Variants in SPEG observed in about 807,000 individuals in gnomAD.
SPEG encodes the protein striated muscle enriched protein kinase, also known as striated muscle preferentially expressed protein kinase.
A neutral mutation model predicts 300.4 loss-of-function variants in SPEG; 114 were observed. The ratio of observed to expected loss-of-function variants is 0.38; its 90% CI spans 0.33 to 0.44. The LOEUF (loss-of-function observed/expected upper bound fraction) is 0.44. Ranked by LOEUF, SPEG falls within the 20% of genes least tolerant of loss-of-function variation. SPEG has a pLI of 1.00. For synonymous variants in SPEG, 1,964 were observed against 2,018.9 expected (o/e 0.97, Z 0.73); for missense variants, 4,201 against 4,586.2 (o/e 0.92, Z 2.43).
Position 219,477,864 on chromosome 2 carries a change from C to T in SPEG, c.4827-41C>T. On this transcript the variant is annotated intron_variant, in intron 21 of 40. Coordinates refer to ENST00000312358, the MANE Select transcript of SPEG (RefSeq NM_005876.5). The surrounding 1 kb of genome is among the most constrained non-coding windows in gnomAD (Gnocchi z 6.4). Reference sequence around the variant, plus strand: ...GGGTTGGGAGGGGTGGAGAGGGCCACAGTGATGGCTGATCTCTGACCCCCT... The same window carrying T: ...GGGTTGGGAGGGGTGGAGAGGGCCATAGTGATGGCTGATCTCTGACCCCCT... 6.2e-7 allele frequency: 1 copy of T among 1,605,802 alleles called. No individual in the cohort carries two copies.
intron 32 of SPEG, 36 bp downstream of exon 32, chr2:219,488,346 AG>A: frequency 6.4e-7 from 1 of 1,557,866 alleles, no homozygotes; most frequent in South Asian, 1.1e-5. Flanking sequence ...GAGGGAGGCC[AG>A]CAAGTGGCCC....
At position 219,476,880 on chromosome 2, in the gene SPEG, G is replaced by A. The variant is rs750073248; in HGVS notation, c.4458G>A (p.Arg1486=). 2 of 1,613,702 alleles carry A rather than the reference G, an allele frequency of 1.2e-6. No homozygotes were observed. Among genetic ancestry groups the A allele is most frequent in the South Asian group, 2.2e-5 (2 of 91,064 alleles). ...CCCCATGTGTTTCAGAGGCCCCTCG[G>A]TTTGAGTCCATCATGGAGGACGTGG... ...SVTLELAEAP[R]FESIMEDVEV... Residue 1486 remains arginine, a synonymous_variant, in exon 19 of 41, where the codon CGG becomes CGA. Coordinates refer to ENST00000312358, the MANE Select transcript of SPEG (RefSeq NM_005876.5).
At chr2:219,442,990 A>T (rs1689037977) in intron 1 of SPEG, 1 of 798,828 alleles carries the variant, frequency 1.3e-6, no homozygotes, top group Non-Finnish European at 2.1e-6. Context: ...CTCCCCTCTC[A>T]CACACACACT....
chr2:219,472,852 C>T (rs759313858), intron 15 of SPEG, 38 bp from the exon 16 acceptor site: 1 of 1,529,444 alleles, frequency 6.5e-7, no homozygotes. Flanking sequence ...GGTTACTGCT[C>T]CTGCAACAGC....
At position 219,468,437 on chromosome 2, in the gene SPEG, T is replaced by G. The variant is rs1005589318; in HGVS notation, c.3143-141T>G. 3.1e-5 allele frequency: 29 copies of G among 926,704 alleles called. No homozygotes were observed. The African/African-American group carries it at 4.0e-4, about 13-fold the overall frequency. 57.4% of individuals were successfully genotyped at this position (926,704 alleles called of 1,614,324 possible). On this transcript the variant is annotated intron_variant, in intron 10 of 40. Transcript: ENST00000312358. ...GTCTAGTCTCTGGATCTGTGCCCAC[T>G]TCCTCCCCTGAGTACCCAGAGCCTT...
chr2:219,451,342 G>A lies in SPEG; in HGVS notation c.2257+63G>A. On this transcript the variant is annotated intron_variant, in intron 5 of 40. Coordinates refer to ENST00000312358, the MANE Select transcript of SPEG (RefSeq NM_005876.5). This position sits in a 1 kb window ranked among gnomAD's most constrained non-coding sequence, Gnocchi z 6.4. ...GGGAGGGGGTGTGTGAGAAGGGAAG[G>A]GGAGGTTCCCCCGGACTCCTCCAAG... 6.5e-7 allele frequency: 1 copy of A among 1,535,608 alleles called. No individual in the cohort carries two copies. The highest frequency in any genetic ancestry group is 8.7e-7 in the Non-Finnish European group (1 of 1,143,626).
chr2:219,457,207 C>A (rs1487755146), intron 6 of SPEG, among the ~76,000 whole-genome samples: 1 of 152,166 alleles, frequency 6.6e-6, no homozygotes. Flanking sequence ...TGTGGAGGGC[C>A]AGCTGGGAAG....
At position 219,445,199 on chromosome 2, in the gene SPEG, C is replaced by T; in HGVS notation, c.815+38C>T. The T allele has an allele frequency of 6.6e-7, 1 of 1,525,632 alleles. No individual in the cohort carries two copies. Among genetic ancestry groups the T allele is most frequent in the Non-Finnish European group, 8.9e-7 (1 of 1,124,322 alleles). 94.5% of individuals were successfully genotyped at this position (1,525,632 alleles called of 1,614,324 possible). On this transcript the variant is annotated intron_variant, in intron 3 of 40. Coordinates refer to ENST00000312358, the MANE Select transcript of SPEG (RefSeq NM_005876.5). This position sits in a 1 kb window ranked among gnomAD's most constrained non-coding sequence, Gnocchi z 6.1. ...CTTACCTGGGCCTGAACTGCCCCAT[C>T]TCACCACGCTGTCCTGCGCTGCCCT...
At position 219,484,739 on chromosome 2, in the gene SPEG, C is replaced by A; in HGVS notation, c.7276C>A (p.His2426Asn). The change falls in exon 30 of 41, where the codon CAC (histidine) becomes AAC (asparagine). Residue 2426 changes from histidine to asparagine, a missense_variant. His to Asn is a moderately conservative substitution (Grantham distance 68). This residue lies in a region of SPEG where 1,578 missense variants were observed against 1,506.0 expected (regional missense o/e 1.05). Transcript: ENST00000312358. ...RLRRTPPAQR[H>N]PAWEARGGDG... is the part of the protein sequence containing the mutation. ...GCGGCGGACCCCTCCCGCGCAGCGC[C>A]ACCCGGCCTGGGAGGCCCGCGGCGG... 1 of 1,481,754 alleles carries A rather than the reference C, an allele frequency of 6.7e-7. No individual in the cohort carries two copies. 91.8% of individuals were successfully genotyped at this position (1,481,754 alleles called of 1,614,324 possible). A position where few individuals can be genotyped will look rare whatever the true frequency, so the allele number is the denominator to read the frequency against.
Position 219,459,699 on chromosome 2 carries a change from G to A in SPEG, c.2441-2183G>A, listed in dbSNP as rs555195545. On this transcript the variant is annotated intron_variant, in intron 6 of 40. Coordinates refer to ENST00000312358, the MANE Select transcript of SPEG (RefSeq NM_005876.5). The surrounding 1 kb of genome is among the most constrained non-coding windows in gnomAD (Gnocchi z 4.9). ...ACTGTCCAGCCTGGAGGTGACCCTG[G>A]GGCAGGACTCCAGGCTCCATAGAGG... Among the ~76,000 whole-genome samples, 1 of 152,258 alleles carries A rather than the reference G, an allele frequency of 6.6e-6. No individual in the cohort carries two copies. The highest frequency in any genetic ancestry group is 2.1e-4 in the South Asian group (1 of 4,824).
At chr2:219,466,672 G>A (rs1691390817) in intron 9 of SPEG, 1 of 1,001,012 alleles carries the variant, frequency 1.0e-6, no homozygotes, top group African/African-American at 1.7e-5. Context: ...GCCTGGCTGA[G>A]CCCTGGCCCT....
chr2:219,445,024 G>C lies in SPEG; in HGVS notation c.678G>C (p.Gly226=). 1 of 1,609,782 alleles carries C rather than the reference G, an allele frequency of 6.2e-7. No homozygotes were observed. Among genetic ancestry groups the C allele is most frequent in the Non-Finnish European group, 8.5e-7 (1 of 1,178,292 alleles). The part of the protein sequence containing the change: ...QATGAGPRHL[G]VEPLVRASRA... Reference sequence around the variant, plus strand: ...CCGGGGCCGGGCCACGGCACCTGGGGGTGGAGCCGCTGGTGCGGGCATCTC... The same window carrying C: ...CCGGGGCCGGGCCACGGCACCTGGGCGTGGAGCCGCTGGTGCGGGCATCTC... The change falls in exon 3 of 41, where the codon GGG becomes GGC. Residue 226 remains glycine, a synonymous_variant. Transcript: ENST00000312358. This position sits in a 1 kb window ranked among gnomAD's most constrained non-coding sequence, Gnocchi z 6.1.
rs780757504 is a variant in SPEG, at chr2:219,469,303, C to A, written c.3639C>A (p.Gly1213=). Reference sequence around the variant, plus strand: ...CCATGCTAGAGTGCCAGGTGACCGGCCTGCCCTACCCCACCATCAGCTGGT... The same window carrying A: ...CCATGCTAGAGTGCCAGGTGACCGGACTGCCCTACCCCACCATCAGCTGGT... ...KEAMLECQVT[G]LPYPTISWFH... is the part of the protein sequence containing the mutation. The change falls in exon 13 of 41, where the codon GGC becomes GGA. Residue 1213 remains glycine (G), a synonymous_variant. Coordinates refer to ENST00000312358, the MANE Select transcript of SPEG (RefSeq NM_005876.5). The A allele has an allele frequency of 2.5e-6, 4 of 1,613,952 alleles. No individual in the cohort carries two copies. In the Admixed American group the frequency reaches 6.7e-5, roughly 27 times the overall value.
In SPEG at chr2:219,443,393, C is replaced by T. The variant is rs950333756; in HGVS notation, c.389-1260C>T. On this transcript the variant is annotated intron_variant, in intron 1 of 40. Coordinates refer to ENST00000312358, the MANE Select transcript of SPEG (RefSeq NM_005876.5). The surrounding 1 kb of genome is among the most constrained non-coding windows in gnomAD (Gnocchi z 4.6). ...TGCATGGACTGGGTGCCCTGTTCTC[C>T]ATGTGAGGCCTAATGGGAAGGAGTT... is the stretch of plus-strand genomic sequence containing the variant. 2.3e-5 allele frequency: 13 copies of T among 560,882 alleles called. No individual in the cohort carries two copies. Among genetic ancestry groups the T allele is most frequent in the Non-Finnish European group, 6.4e-6 (2 of 312,526 alleles). 34.7% of individuals were successfully genotyped at this position (560,882 alleles called of 1,614,324 possible).
intron 9 of SPEG, chr2:219,466,314 G>C: frequency 7.1e-7 from 1 of 1,414,596 alleles, no homozygotes. Flanking sequence ...TGGACTGAGT[G>C]CTGGGAAGGG....
Position 219,479,266 on chromosome 2 carries a change from C to G in SPEG, c.5085+65C>G, listed in dbSNP as rs1015435530. 6 of 1,403,428 alleles carry G rather than the reference C, an allele frequency of 4.3e-6. No individual in the cohort carries two copies. The highest frequency in any genetic ancestry group is 1.7e-5 in the Admixed American group (1 of 57,908). 86.9% of individuals were successfully genotyped at this position (1,403,428 alleles called of 1,614,324 possible). ...CCTTCACCCACCTGAGCTTTGAGAA[C>G]CAACAAATGGGTCCTGAGTGTGCCA... On this transcript the variant is annotated intron_variant, in intron 23 of 40. Coordinates refer to ENST00000312358, the MANE Select transcript of SPEG (RefSeq NM_005876.5). This position sits in a 1 kb window ranked among gnomAD's most constrained non-coding sequence, Gnocchi z 5.5.
chr2:219,489,764 C>A lies in SPEG; in HGVS notation c.8746C>A (p.Pro2916Thr). The change falls in exon 36 of 41, where the codon CCA becomes ACA. Residue 2916 changes from proline to threonine, a missense_variant. Physicochemically the swap from Pro to Thr is conservative, Grantham distance 38. Around this residue, in one of 4 missense-constraint regions of SPEG, gnomAD observed 1,578 missense variants for 1,506.0 expected, o/e 1.05. Transcript: ENST00000312358. The stretch of plus-strand genomic sequence containing the variant: ...GTCTGCACCACCAGCCCCTGAGCCC[C>A]CAGCCCCTGAGCCCCCTCCTGAGCC... ...FVSAPPAPEP[P>T]APEPPPEPTK... The A allele has an allele frequency of 6.2e-7, 1 of 1,613,704 alleles. No individual in the cohort carries two copies. Among genetic ancestry groups the A allele is most frequent in the Non-Finnish European group, 8.5e-7 (1 of 1,179,904 alleles).
rs1384388601 is a variant in SPEG, at chr2:219,439,094, G to A, written c.388+3729G>A. Among the ~76,000 whole-genome samples, 1 of 152,112 alleles carries A rather than the reference G, an allele frequency of 6.6e-6. No homozygotes were observed. The highest frequency in any genetic ancestry group is 1.5e-5 in the Non-Finnish European group (1 of 68,010). ...GAGAGGAGCTCTGGGACCCTCTCCA[G>A]GGGAATCCTGAGTGGAATGAGAGAT... On this transcript the variant is annotated intron_variant, in intron 1 of 40. Coordinates refer to ENST00000312358, the MANE Select transcript of SPEG (RefSeq NM_005876.5). The surrounding 1 kb of genome is among the most constrained non-coding windows in gnomAD (Gnocchi z 4.5).
chr2:219,464,614 T>A lies in SPEG; in HGVS notation c.2881+6T>A. ...GGCCCGCTTGGAGGTCCGAGGTGAG[T>A]ACCTGATTTCTCCATGAATGCCCAC... On this transcript the variant is annotated splice_donor_region_variant and intron_variant, in intron 9 of 40. Coordinates refer to ENST00000312358, the MANE Select transcript of SPEG (RefSeq NM_005876.5). This position sits in a 1 kb window ranked among gnomAD's most constrained non-coding sequence, Gnocchi z 4.5. The A allele has an allele frequency of 3.7e-6, 6 of 1,612,516 alleles. No individual in the cohort carries two copies. Among genetic ancestry groups the A allele is most frequent in the Non-Finnish European group, 5.1e-6 (6 of 1,178,740 alleles).
Sources: allele counts gnomAD v4.1 joint callset (sites outside exome capture counted in the v4.1 genomes callset), GRCh38; gene constraint gnomAD v4.1.1; regional missense constraint gnomAD v4.1.1; non-coding constraint Gnocchi (gnomAD v3.1); transcripts MANE v1.5; gene names NCBI Gene and HGNC (gene_info 2026-07-23, HGNC 2026-07-21).